Variants in C8orf34 observed in about 807,000 individuals in gnomAD.
The protein encoded by C8orf34 is chromosome 8 open reading frame 34.
C8orf34 carries 65 observed loss-of-function variants against 68.3 expected under a neutral mutation model. The observed-to-expected ratio is 0.95, with a 90% CI of 0.78 to 1.17. The LOEUF (loss-of-function observed/expected upper bound fraction) is 1.17. C8orf34 is among the 50% of genes most tolerant of loss of function. C8orf34 has a pLI of 0.00. For synonymous variants in C8orf34, 244 were observed against 241.2 expected (o/e 1.01, Z -0.11); for missense variants, 664 against 655.4 (o/e 1.01, Z -0.14).
chr8:68,534,545 C>T, intron 7 of C8orf34: 1 of 834,674 alleles, frequency 1.2e-6, no homozygotes, highest in Non-Finnish European at 1.4e-6. Flanking sequence ...ACACCTAAAG[C>T]AGAGGTAAGG....
At chr8:68,404,047 G>C (rs988233579) in intron 1 of C8orf34, among the ~76,000 whole-genome samples, 30 of 152,126 alleles carry the variant, frequency 2.0e-4, no homozygotes, top group African/African-American at 6.8e-4. Flanking sequence ...GTTGTTTCCT[G>C]ACTTTTTAAT....
chr8:68,357,365 A>C (rs986050924), intron 1 of C8orf34, among the ~76,000 whole-genome samples: 4 of 152,162 alleles, frequency 2.6e-5, no homozygotes, highest in African/African-American at 9.6e-5. Flanking sequence ...ATAGCTTCAC[A>C]AAAAGTTTCA....
intron 7 of C8orf34, among the ~76,000 whole-genome samples, chr8:68,638,317 T>C (rs1032145166): frequency 7.1e-5 from 10 of 141,540 alleles, no homozygotes; most frequent in Middle Eastern, 3.7e-3. Flanking sequence ...CTTTTTTTTT[T>C]CTTTTTTTTT....
rs564838715 is a variant in C8orf34 at position 68,571,503 on chromosome 8, A to G, written c.1105+38354A>G. Among the ~76,000 whole-genome samples, 4 of 152,136 alleles carry G rather than the reference A, an allele frequency of 2.6e-5. No individual in the cohort carries two copies. In the South Asian group the frequency reaches 8.3e-4, roughly 32 times the overall value. ...ATCCAAAAATAGGTATTGAGAACCC[A>G]CAGTCTGTAAGATACTTTTAAAGTT... is the stretch of plus-strand genomic sequence containing the variant. On this transcript the variant is annotated intron_variant, in intron 7 of 13. Transcript: ENST00000518698.
intron 1 of C8orf34, among the ~76,000 whole-genome samples, chr8:68,362,030 A>G (rs904671336): frequency 6.6e-6 from 1 of 152,228 alleles, no homozygotes; most frequent in African/African-American, 2.4e-5. Context: ...TTTTATTTGT[A>G]ACGTAAGAGT....
intron 7 of C8orf34, among the ~76,000 whole-genome samples, chr8:68,619,882 A>G (rs1818337635): frequency 6.6e-6 from 1 of 152,076 alleles, no homozygotes; most frequent in Non-Finnish European, 1.5e-5. Flanking sequence ...CCAGTAGGAA[A>G]AAAGGTAAAA....
At chr8:68,610,861 GTTTTTTTTTT>G (rs60113883) in intron 7 of C8orf34, among the ~76,000 whole-genome samples, 1 of 120,476 alleles carries the variant, frequency 8.3e-6, no homozygotes, top group Admixed American at 8.3e-5. Context: ...TGAATCTTTG[GTTTTTTTTTT>G]TTTTTTTTTT....
At position 68,763,199 on chromosome 8, in the gene C8orf34, G is replaced by C. The variant is rs1001639861; in HGVS notation, c.1405-13200G>C. On this transcript the variant is annotated intron_variant, in intron 10 of 13. Transcript: ENST00000518698. ...ACAAAAATTTAAGACTAGGCTGAAG[G>C]GGTTTAGACAATGGTATAATCTTTC... is the stretch of plus-strand genomic sequence containing the variant. 2.6e-5 allele frequency among the ~76,000 whole-genome samples: 4 copies of C among 152,170 alleles called. No homozygotes were observed. The South Asian group carries it at 6.2e-4, about 24-fold the overall frequency.
rs115544569 is a variant in C8orf34 at position 68,417,071 on chromosome 8, G to T, written c.328-22428G>T. On this transcript the variant is annotated intron_variant, in intron 1 of 13. Transcript: ENST00000518698. ...AAATGACCCATGATTCTCAGCAACT[G>T]CTATTAAAACTATTGTGTAGAGTTT... Among the ~76,000 whole-genome samples the T allele has an allele frequency of 1.2e-3, 190 of 152,084 alleles. 1 individual carries two copies. The highest frequency in any genetic ancestry group is 4.5e-3 in the African/African-American group (185 of 41,504).
chr8:68,476,201 G>A (rs957568725), intron 4 of C8orf34, among the ~76,000 whole-genome samples: 5 of 152,194 alleles, frequency 3.3e-5, no homozygotes, highest in African/African-American at 1.2e-4. Context: ...CTAACACGTG[G>A]AACTAGACTT....
At chr8:68,573,587 C>G (rs1038496877) in intron 7 of C8orf34, among the ~76,000 whole-genome samples, 5 of 152,146 alleles carry the variant, frequency 3.3e-5, no homozygotes, top group Admixed American at 1.3e-4. Context: ...CAGGCCTACT[C>G]TAGTTAAAAG....
At chr8:68,573,648 C>T (rs1816819927) in intron 7 of C8orf34, among the ~76,000 whole-genome samples, 3 of 152,138 alleles carry the variant, frequency 2.0e-5, no homozygotes, top group Non-Finnish European at 4.4e-5. Context: ...GCATCTACTT[C>T]TATTCTTTGA....
chr8:68,403,481 C>T lies in C8orf34; in HGVS notation c.328-36018C>T, dbSNP rs1809049313. Among the ~76,000 whole-genome samples, 10 of 152,084 alleles carry T rather than the reference C, an allele frequency of 6.6e-5. 1 individual carries two copies. Among genetic ancestry groups the T allele is most frequent in the Admixed American group, 6.6e-4 (10 of 15,250 alleles). On this transcript the variant is annotated intron_variant, in intron 1 of 13. Transcript: ENST00000518698. ...ACACGTGCCATGGTGGTTTGCTGCA[C>T]CCATCAACCCATCACCTACATTAGG...
intron 1 of C8orf34, among the ~76,000 whole-genome samples, chr8:68,384,931 G>T (rs1808196581): frequency 6.6e-6 from 1 of 152,140 alleles, no homozygotes; most frequent in African/African-American, 2.4e-5. Flanking sequence ...TATCAAAGAG[G>T]ATTAACTTTA....
chr8:68,705,918 C>T (rs562680968), intron 8 of C8orf34, among the ~76,000 whole-genome samples: 1 of 152,266 alleles, frequency 6.6e-6, no homozygotes, highest in South Asian at 2.1e-4. Context: ...GACAGGGCCT[C>T]TTGCGCTCTG....
At chr8:68,360,660 G>C (rs1294624399) in intron 1 of C8orf34, among the ~76,000 whole-genome samples, 7 of 151,810 alleles carry the variant, frequency 4.6e-5, no homozygotes, top group Non-Finnish European at 8.8e-5. Context: ...GTGTCAGCCA[G>C]ACCAGCTTGT....
At chr8:68,406,744 C>T (rs1212566373) in intron 1 of C8orf34, among the ~76,000 whole-genome samples, 1 of 152,148 alleles carries the variant, frequency 6.6e-6, no homozygotes, top group Non-Finnish European at 1.5e-5. Flanking sequence ...ACCCACTCAC[C>T]TCGGCCTCCC....
chr8:68,347,729 T>G (rs560094302), intron 1 of C8orf34, among the ~76,000 whole-genome samples: 1 of 152,150 alleles, frequency 6.6e-6, no homozygotes, highest in Non-Finnish European at 1.5e-5. Flanking sequence ...TGAGCTTTTT[T>G]TTTCATACAT....
intron 11 of C8orf34, among the ~76,000 whole-genome samples, chr8:68,781,396 T>C (rs1395637048): frequency 6.6e-6 from 1 of 152,192 alleles, no homozygotes; most frequent in East Asian, 1.9e-4. Flanking sequence ...TCCCTGTACA[T>C]TTGCTGTAAT....
Sources: gnomAD v4.1 joint callset for allele counts (sites outside exome capture counted in the v4.1 genomes callset) on GRCh38, gnomAD v4.1.1 for gene constraint, MANE v1.5 for transcripts, NCBI Gene and HGNC (gene_info 2026-07-23, HGNC 2026-07-21) for gene names.